SARS1: variants seen among roughly 807,000 people sequenced by gnomAD.
SARS1 encodes serine--tRNA ligase, cytoplasmic.
Under a neutral mutation model 63.7 loss-of-function variants are expected in SARS1, and 25 were observed. The observed-to-expected ratio is 0.39, with a 90% confidence interval of 0.29 to 0.55. The LOEUF (loss-of-function observed/expected upper bound fraction) is 0.55, where lower values mean the gene tolerates loss of function less well. Among genes scored for constraint, SARS1 ranks in the 20% least tolerant of loss-of-function variants. The pLI is 0.62. For missense variants in SARS1, 417 were observed against 649.7 expected (o/e 0.64, Z 3.89); for synonymous variants, 231 against 243.5 (o/e 0.95, Z 0.48).
At chr1:109,232,976 C>T (rs1022045181) in intron 6 of SARS1, among the ~76,000 whole-genome samples, 1 of 152,032 alleles carries the variant, frequency 6.6e-6, no homozygotes, top group Non-Finnish European at 1.5e-5. Flanking sequence ...AGAATTTTGG[C>T]TGGCACTTCT....
In SARS1 at chr1:109,214,416, A is replaced by C; in HGVS notation, c.136+288A>C. 1 of 699,946 alleles carries C rather than the reference A, an allele frequency of 1.4e-6. No homozygotes were observed. The highest frequency in any genetic ancestry group is 2.0e-6 in the Non-Finnish European group (1 of 509,122). 43.4% of individuals were successfully genotyped at this position (699,946 alleles called of 1,614,324 possible). A position where few individuals can be genotyped will look rare whatever the true frequency, so the allele number is the denominator to read the frequency against. ...GGGAGCTGTCAAGCCTTCCTGCCCC[A>C]GGGGTTGCCAGAACATGCCGGGGCG... On this transcript the variant is annotated intron_variant, in intron 1 of 10. Transcript: ENST00000234677. The surrounding 1 kb of genome is among the most constrained non-coding windows in gnomAD (Gnocchi z 4.6).
At chr1:109,219,954 ATT>A (rs1036988086) in intron 1 of SARS1, among the ~76,000 whole-genome samples, 3 of 152,312 alleles carry the variant, frequency 2.0e-5, no homozygotes, top group African/African-American at 7.2e-5. Context: ...ACTGCATGAC[ATT>A]TGGATAAACT....
At chr1:109,221,982 A>T (rs536987966) in intron 1 of SARS1, among the ~76,000 whole-genome samples, 1 of 5,262 alleles carries the variant, frequency 1.9e-4, no homozygotes, top group African/African-American at 3.1e-4. Flanking sequence ...ATATATATAT[A>T]TATATATATA....
Position 109,213,942 on chromosome 1 carries a change from T to C in SARS1, c.-51T>C, listed in dbSNP as rs1049935320. The stretch of plus-strand genomic sequence containing the variant: ...CGCAGTGCGGCGGTCACAGGCTGAG[T>C]GCTGCGGCGCGATCCTTGCTTCCCT... On this transcript the variant is annotated 5_prime_UTR_variant, in exon 1 of 11. Coordinates refer to ENST00000234677, the MANE Select transcript of SARS1 (RefSeq NM_006513.4). 3.2e-6 allele frequency: 5 copies of C among 1,558,394 alleles called. No homozygotes were observed. In the African/African-American group the frequency reaches 5.6e-5, roughly 17 times the overall value.
intron 4 of SARS1, among the ~76,000 whole-genome samples, chr1:109,230,643 C>T (rs1471813051): frequency 6.6e-6 from 1 of 151,922 alleles, no homozygotes; most frequent in African/African-American, 2.4e-5. Context: ...CCTGTCTCTA[C>T]AAAAAATACA....
Position 109,237,418 on chromosome 1 carries a change from C to G in SARS1, c.1387+45C>G. The G allele has an allele frequency of 6.2e-7, 1 of 1,613,494 alleles. No homozygotes were observed. The highest frequency in any genetic ancestry group is 8.5e-7 in the Non-Finnish European group (1 of 1,179,620). On this transcript the variant is annotated intron_variant, in intron 10 of 10. Coordinates refer to ENST00000234677, the MANE Select transcript of SARS1 (RefSeq NM_006513.4). The surrounding 1 kb of genome is among the most constrained non-coding windows in gnomAD (Gnocchi z 4.1). The stretch of plus-strand genomic sequence containing the variant: ...TCATCGTTCTCCTCTTTTCTGTCTT[C>G]ACACTCTTCTAAATAGCAGTCCCCT...
intron 2 of SARS1, among the ~76,000 whole-genome samples, chr1:109,227,917 C>CA (rs5776968): frequency 0.71 from 86,540 of 121,738 alleles, 30,758 homozygotes; most frequent in East Asian, 0.83. Context: ...GAGACTCCGT[C>CA]AAAAAAAAAA....
At chr1:109,221,998 ATATATATATATATTTTTTTTTTTTTT>A (rs1466126798) in intron 1 of SARS1, among the ~76,000 whole-genome samples, 4 of 11,802 alleles carry the variant, frequency 3.4e-4, no homozygotes, top group Admixed American at 2.0e-3. Context: ...ATATATATAT[ATATATATATATATTTTTTTTTTTTTT>A]TTTTTTTTTT....
intron 5 of SARS1, 55 bp downstream of exon 5, chr1:109,231,076 T>G: frequency 5.2e-6 from 5 of 966,324 alleles, no homozygotes; most frequent in Non-Finnish European, 2.6e-6. Context: ...AAAATATATA[T>G]ATATATATTT....
intron 4 of SARS1, 128 bp downstream of exon 4, chr1:109,229,700 G>A: frequency 1.1e-6 from 1 of 919,418 alleles, no homozygotes; most frequent in Non-Finnish European, 1.6e-6. Context: ...TATTCCCTCT[G>A]CCCACCAATT....
chr1:109,226,674 A>AT lies in SARS1; in HGVS notation c.208-1678_208-1677insT, dbSNP rs1457478616. ...ATGCCTGGCTAATTTAAAAAAAAAA[A>AT]AAAATATATATATATATATATATAC... On this transcript the variant is annotated intron_variant, in intron 2 of 10. Coordinates refer to ENST00000234677, the MANE Select transcript of SARS1 (RefSeq NM_006513.4). 9.2e-3 allele frequency among the ~76,000 whole-genome samples: 394 copies of AT among 42,982 alleles called. 12 individuals carry two copies. Among genetic ancestry groups the AT allele is most frequent in the African/African-American group, 0.025 (371 of 14,940 alleles). 28.2% of individuals were successfully genotyped at this position (42,982 alleles called of 152,430 possible).
intron 6 of SARS1, among the ~76,000 whole-genome samples, chr1:109,233,838 A>G (rs1655254451): frequency 6.8e-6 from 1 of 146,306 alleles, no homozygotes; most frequent in Non-Finnish European, 1.5e-5. Flanking sequence ...CTGGGATTAC[A>G]GGCGTCGCCA....
At position 109,221,062 on chromosome 1, in the gene SARS1, T is replaced by C. The variant is rs1378720131; in HGVS notation, c.137-2916T>C. On this transcript the variant is annotated intron_variant, in intron 1 of 10. Coordinates refer to ENST00000234677, the MANE Select transcript of SARS1 (RefSeq NM_006513.4). The stretch of plus-strand genomic sequence containing the variant: ...CATAGCTAATTTTTCTTTTCTTCTC[T>C]TTTTTTTTTTTTTTCTTGAGACAGA... Among the ~76,000 whole-genome samples the C allele has an allele frequency of 2.8e-5, 4 of 141,784 alleles. No homozygotes were observed. In the Admixed American group the frequency reaches 2.8e-4, roughly 10 times the overall value. 93.0% of individuals were successfully genotyped at this position (141,784 alleles called of 152,430 possible).
intron 2 of SARS1, among the ~76,000 whole-genome samples, chr1:109,226,683 T>TATATATATATACACAC (rs1655089604): frequency 7.2e-5 from 3 of 41,650 alleles, no homozygotes; most frequent in Admixed American, 3.1e-4. Context: ...AAAAAATATA[T>TATATATATATACACAC]ATATATATAT....
Position 109,235,305 on chromosome 1 carries a change from G to A in SARS1, c.843G>A (p.Arg281=), listed in dbSNP as rs1655286268. ...AGCAGCCCATTGCTGCCCTGCACCG[G>A]GATGAGTGGCTCCGGCCGGAGGACC... The part of the protein sequence containing the change: ...TSEQPIAALH[R]DEWLRPEDLP... The change falls in exon 7 of 11, where the codon CGG becomes CGA. Residue 281 remains arginine (R), a synonymous_variant. Coordinates refer to ENST00000234677, the MANE Select transcript of SARS1 (RefSeq NM_006513.4). This position sits in a 1 kb window ranked among gnomAD's most constrained non-coding sequence, Gnocchi z 4.7. 6.2e-7 allele frequency: 1 copy of A among 1,614,022 alleles called. No homozygotes were observed. Among genetic ancestry groups the A allele is most frequent in the African/African-American group, 1.3e-5 (1 of 74,992 alleles).
At chr1:109,222,227 C>T (rs986437723) in intron 1 of SARS1, among the ~76,000 whole-genome samples, 6 of 151,084 alleles carry the variant, frequency 4.0e-5, no homozygotes, top group East Asian at 3.9e-4. Context: ...AATCTCAAAA[C>T]GATTATAGAT....
intron 1 of SARS1, among the ~76,000 whole-genome samples, chr1:109,219,155 A>G (rs1654862808): frequency 6.7e-6 from 1 of 149,842 alleles, no homozygotes; most frequent in African/African-American, 2.5e-5. Context: ...AGTCCCAGCT[A>G]CTTGGGAGGC....
At chr1:109,233,028 C>T (rs1225655152) in intron 6 of SARS1, among the ~76,000 whole-genome samples, 1 of 152,214 alleles carries the variant, frequency 6.6e-6, no homozygotes, top group Non-Finnish European at 1.5e-5. Context: ...GAATATATCG[C>T]TGCCTAATAG....
intron 1 of SARS1, chr1:109,217,229 T>TA (rs753252045): frequency 9.8e-5 from 75 of 762,438 alleles, no homozygotes; most frequent in African/African-American, 3.6e-4. Context: ...ATATTGTAAG[T>TA]AAAAAATGCA....
Sources: allele counts gnomAD v4.1 joint callset (sites outside exome capture counted in the v4.1 genomes callset), GRCh38; gene constraint gnomAD v4.1.1; non-coding constraint Gnocchi (gnomAD v3.1); transcripts MANE v1.5; gene names NCBI Gene and HGNC (gene_info 2026-07-23, HGNC 2026-07-21).